The following PPP1R16B variants were observed in gnomAD, a reference collection of about 807,000 sequenced individuals.
PPP1R16B encodes the protein protein phosphatase 1 regulatory inhibitor subunit 16B.
Under a neutral mutation model 61.7 loss-of-function variants are expected in PPP1R16B, and 14 were observed. The observed-to-expected ratio is 0.23, with a 90% CI of 0.15 to 0.35. PPP1R16B has a LOEUF of 0.35. Among genes scored for constraint, PPP1R16B ranks in the 10% least tolerant of loss-of-function variants. PPP1R16B has a pLI of 1.00. For synonymous variants in PPP1R16B, 266 were observed against 305.3 expected (o/e 0.87, Z 1.34); for missense variants, 547 against 752.5 (o/e 0.73, Z 3.19).
chr20:38,852,891 C>T (rs946933185), intron 2 of PPP1R16B, among the ~76,000 whole-genome samples: 1 of 151,448 alleles, frequency 6.6e-6, no homozygotes, highest in African/African-American at 2.4e-5. Flanking sequence ...TTCCTGTCTC[C>T]GTCTCCTGAG....
chr20:38,914,530 G>A (rs2085517323), intron 10 of PPP1R16B, among the ~76,000 whole-genome samples: 1 of 152,166 alleles, frequency 6.6e-6, no homozygotes, highest in South Asian at 2.1e-4. Flanking sequence ...TTAAGCATTA[G>A]GCAGATAAGT....
intron 2 of PPP1R16B, among the ~76,000 whole-genome samples, chr20:38,867,861 C>T (rs983605017): frequency 2.0e-5 from 3 of 152,084 alleles, no homozygotes; most frequent in South Asian, 2.1e-4. Flanking sequence ...TTAGTAGAGA[C>T]GGGGTTTCAT....
chr20:38,840,015 G>A (rs1437019557), intron 2 of PPP1R16B, among the ~76,000 whole-genome samples: 1 of 152,230 alleles, frequency 6.6e-6, no homozygotes, highest in African/African-American at 2.4e-5. Context: ...CCAAGTGAGG[G>A]GAAGGGGCCA....
chr20:38,811,897 C>A (rs2084703177), intron 1 of PPP1R16B, among the ~76,000 whole-genome samples: 1 of 152,114 alleles, frequency 6.6e-6, no homozygotes, highest in Non-Finnish European at 1.5e-5. Flanking sequence ...GACGATGAGC[C>A]CCATAAGGTC....
chr20:38,845,854 A>C (rs994631399), intron 2 of PPP1R16B, among the ~76,000 whole-genome samples: 2 of 152,242 alleles, frequency 1.3e-5, no homozygotes, highest in Non-Finnish European at 2.9e-5. Context: ...TGCTGAGTGC[A>C]GAATTGACTG....
At chr20:38,825,180 C>T (rs1243564167) in intron 1 of PPP1R16B, among the ~76,000 whole-genome samples, 2 of 152,156 alleles carry the variant, frequency 1.3e-5, no homozygotes, top group Non-Finnish European at 2.9e-5. Context: ...TTCAAATGGA[C>T]AAGACAGTGA....
At chr20:38,914,632 G>A (rs1267296416) in intron 10 of PPP1R16B, among the ~76,000 whole-genome samples, 1 of 152,156 alleles carries the variant, frequency 6.6e-6, no homozygotes, top group Non-Finnish European at 1.5e-5. Context: ...TCAATGCTCT[G>A]ATTTCTGACA....
chr20:38,828,614 G>T (rs1490337843), intron 1 of PPP1R16B, among the ~76,000 whole-genome samples: 1 of 152,194 alleles, frequency 6.6e-6, no homozygotes, highest in Non-Finnish European at 1.5e-5. Flanking sequence ...CTGCAGGGAT[G>T]GTGGCAACAA....
chr20:38,816,748 A>G (rs1356510892), intron 1 of PPP1R16B, among the ~76,000 whole-genome samples: 1 of 152,228 alleles, frequency 6.6e-6, no homozygotes, highest in African/African-American at 2.4e-5. Context: ...TCCCCTCAGC[A>G]GCGATATATA....
At chr20:38,847,652 C>T (rs1334931131) in intron 2 of PPP1R16B, among the ~76,000 whole-genome samples, 5 of 152,128 alleles carry the variant, frequency 3.3e-5, no homozygotes, top group African/African-American at 4.8e-5. Context: ...CCACTGCACC[C>T]GGACTATTTG....
chr20:38,871,101 G>T (rs932054749), intron 2 of PPP1R16B, among the ~76,000 whole-genome samples: 7 of 152,130 alleles, frequency 4.6e-5, no homozygotes, highest in African/African-American at 1.7e-4. Context: ...AGCTCAGCCT[G>T]GTGCCCTCCT....
chr20:38,881,478 C>T (rs998183962), intron 2 of PPP1R16B, among the ~76,000 whole-genome samples: 5 of 152,156 alleles, frequency 3.3e-5, no homozygotes, highest in South Asian at 2.1e-4. Context: ...TAAGTCAGTG[C>T]GGACTGGGCT....
intron 2 of PPP1R16B, among the ~76,000 whole-genome samples, chr20:38,863,739 G>A (rs1392105454): frequency 6.6e-6 from 1 of 152,234 alleles, no homozygotes; most frequent in Non-Finnish European, 1.5e-5. Flanking sequence ...GTGCTCAATA[G>A]AGGTTAATTC....
intron 1 of PPP1R16B, among the ~76,000 whole-genome samples, chr20:38,810,595 G>A (rs1240620456): frequency 1.3e-5 from 2 of 152,192 alleles, no homozygotes; most frequent in Non-Finnish European, 2.9e-5. Flanking sequence ...CTGGGACTCA[G>A]TTTCTCACCT....
intron 1 of PPP1R16B, among the ~76,000 whole-genome samples, chr20:38,808,915 C>T (rs1375016323): frequency 1.3e-5 from 2 of 152,040 alleles, no homozygotes; most frequent in Non-Finnish European, 2.9e-5. Flanking sequence ...TGCCTGTAGT[C>T]CTAGCTACTT....
At chr20:38,913,675 C>T (rs1453111519) in intron 10 of PPP1R16B, among the ~76,000 whole-genome samples, 4 of 152,054 alleles carry the variant, frequency 2.6e-5, no homozygotes, top group Admixed American at 2.0e-4. Flanking sequence ...GAAAGGAGTT[C>T]GTTTCCTAGG....
intron 2 of PPP1R16B, among the ~76,000 whole-genome samples, chr20:38,855,743 G>C (rs1406259008): frequency 6.6e-6 from 1 of 151,674 alleles, no homozygotes; most frequent in Admixed American, 6.6e-5. Flanking sequence ...ACCCAGTGGG[G>C]TGCCCCCATT....
intron 4 of PPP1R16B, among the ~76,000 whole-genome samples, chr20:38,896,116 CTTCTTTCTTCCCTTCCTCCCTCCT>C (rs1466463147): frequency 1.1e-4 from 11 of 100,340 alleles, no homozygotes; most frequent in East Asian, 9.2e-4. Context: ...CCCTCCCTTC[CTTCTTTCTTCCCTTCCTCCCTCCT>C]TTCCTTCTTT....
intron 2 of PPP1R16B, among the ~76,000 whole-genome samples, chr20:38,860,710 G>A (rs1268025333): frequency 3.9e-5 from 6 of 152,190 alleles, no homozygotes; most frequent in African/African-American, 1.2e-4. Flanking sequence ...AAGGTCTAGC[G>A]AACACTCAGC....
Sources: allele counts gnomAD v4.1 joint callset (sites outside exome capture counted in the v4.1 genomes callset), GRCh38; gene constraint gnomAD v4.1.1; transcripts MANE v1.5; gene names NCBI Gene and HGNC (gene_info 2026-07-23, HGNC 2026-07-21).